TMC5: variants seen among roughly 807,000 people sequenced by gnomAD.
The protein encoded by TMC5 is transmembrane channel-like protein 5.
TMC5 carries 86 observed loss-of-function variants against 110.5 expected under a neutral mutation model. That is an observed-to-expected ratio of 0.78 (90% CI 0.65 to 0.93). TMC5 has a LOEUF of 0.93. Among genes scored for constraint, TMC5 ranks in the 40% least tolerant of loss-of-function variants. The pLI, the probability that TMC5 is intolerant of heterozygous loss-of-function variation, is 0.00. For missense variants in TMC5, 1,144 were observed against 1,222.8 expected (o/e 0.94, Z 0.96); for synonymous variants, 455 against 439.5 (o/e 1.04, Z -0.44).
At chr16:19,496,777 C>A (rs1371142417) in intron 20 of TMC5, among the ~76,000 whole-genome samples, 1 of 151,086 alleles carries the variant, frequency 6.6e-6, no homozygotes, top group Non-Finnish European at 1.5e-5. Flanking sequence ...ATAATCCCAG[C>A]TACTCCAGAG....
At position 19,453,964 on chromosome 16, in the gene TMC5, C is replaced by T. The variant is rs894459031; in HGVS notation, c.1048+4333C>T. Among the ~76,000 whole-genome samples, 13 of 152,080 alleles carry T rather than the reference C, an allele frequency of 8.5e-5. No individual in the cohort carries two copies. In the South Asian group the frequency reaches 1.7e-3, roughly 19 times the overall value. ...AATTCCTGGGCTCAAGCAATCCTCC[C>T]GCCTCAGCCTCCCAAGTAGCTGAGA... On this transcript the variant is annotated intron_variant, in intron 5 of 21. Coordinates refer to ENST00000542583, the MANE Select transcript of TMC5 (RefSeq NM_001261841.2).
chr16:19,480,159 T>C (rs937527724), intron 14 of TMC5, among the ~76,000 whole-genome samples: 1 of 152,208 alleles, frequency 6.6e-6, no homozygotes, highest in African/African-American at 2.4e-5. Flanking sequence ...TTTACTAATC[T>C]GTCACTATGC....
At chr16:19,458,509 G>A (rs796421464) in intron 5 of TMC5, among the ~76,000 whole-genome samples, 48 of 152,198 alleles carry the variant, frequency 3.2e-4, no homozygotes, top group Middle Eastern at 3.4e-3. Flanking sequence ...CACCATGCCC[G>A]GCCCAGAGAT....
chr16:19,483,341 C>CA (rs1314574445), intron 15 of TMC5, among the ~76,000 whole-genome samples: 1 of 152,156 alleles, frequency 6.6e-6, no homozygotes, highest in Admixed American at 6.5e-5. Flanking sequence ...ATCACATTCC[C>CA]AGGTTCCATC....
In TMC5 at chr16:19,440,160, C is replaced by T. The variant is rs773890211; in HGVS notation, c.122C>T (p.Pro41Leu). The change falls in exon 3 of 22, where the codon CCT becomes CTT. Residue 41 changes from proline (P) to leucine (L), a missense_variant. By Grantham distance (98) the Pro-to-Leu change is moderately conservative (BLOSUM62 -3). Coordinates refer to ENST00000542583, the MANE Select transcript of TMC5 (RefSeq NM_001261841.2). ...KTQGYPDVPG[P>L]LNNPDYPGTR... The stretch of plus-strand genomic sequence containing the variant: ...CAAGGTTATCCAGATGTTCCAGGTC[C>T]TCTGAACAATCCAGACTACCCCGGC... 10 of 1,614,160 alleles carry T rather than the reference C, an allele frequency of 6.2e-6. No individual in the cohort carries two copies. Among genetic ancestry groups the T allele is most frequent in the Non-Finnish European group, 8.5e-6 (10 of 1,180,018 alleles).
chr16:19,429,505 C>T (rs554095369), intron 1 of TMC5, among the ~76,000 whole-genome samples: 1 of 152,144 alleles, frequency 6.6e-6, no homozygotes, highest in Non-Finnish European at 1.5e-5. Flanking sequence ...CAATCAAGAG[C>T]AGGCAAGCAA....
intron 6 of TMC5, among the ~76,000 whole-genome samples, chr16:19,460,572 C>T (rs559599970): frequency 3.3e-5 from 5 of 152,162 alleles, no homozygotes; most frequent in African/African-American, 9.6e-5. Context: ...AAGAGTAGGG[C>T]GTGGAAGGAA....
At chr16:19,456,165 C>T (rs1022475874) in intron 5 of TMC5, among the ~76,000 whole-genome samples, 6 of 151,524 alleles carry the variant, frequency 4.0e-5, no homozygotes, top group African/African-American at 1.5e-4. Context: ...TGAGATCGCG[C>T]CACTGCACTC....
chr16:19,477,262 AAAG>A (rs757171840), intron 12 of TMC5, among the ~76,000 whole-genome samples, 175 bp from the exon 13 acceptor site: 12 of 152,182 alleles, frequency 7.9e-5, no homozygotes, highest in Non-Finnish European at 1.2e-4. Flanking sequence ...AATAAAAAAA[AAAG>A]AAGTGACACA....
At chr16:19,457,043 AG>A in intron 5 of TMC5, 1 of 1,568,668 alleles carries the variant, frequency 6.4e-7, no homozygotes, top group Non-Finnish European at 8.7e-7. Flanking sequence ...GAAGAGAAGT[AG>A]GGGAGTAGGA....
At chr16:19,452,495 T>A (rs1261532932) in intron 5 of TMC5, among the ~76,000 whole-genome samples, 2 of 152,046 alleles carry the variant, frequency 1.3e-5, no homozygotes, top group Non-Finnish European at 2.9e-5. Flanking sequence ...GGCAGGTGGA[T>A]CACCTAAGGT....
At position 19,460,385 on chromosome 16, in the gene TMC5, C is replaced by G. The variant is rs371990048; in HGVS notation, c.1148+51C>G. The G allele has an allele frequency of 5.4e-6, 7 of 1,297,824 alleles. No individual in the cohort carries two copies. In the African/African-American group the frequency reaches 1.0e-4, roughly 19 times the overall value. 80.4% of individuals were successfully genotyped at this position (1,297,824 alleles called of 1,614,324 possible). A position where few individuals can be genotyped will look rare whatever the true frequency, so the allele number is the denominator to read the frequency against. ...TCTCAGATTTCATGCGAACCTCAAT[C>G]CTCTACTTTTGCCCCATCTCAAAAA... On this transcript the variant is annotated intron_variant, in intron 6 of 21. Coordinates refer to ENST00000542583, the MANE Select transcript of TMC5 (RefSeq NM_001261841.2).
Position 19,472,068 on chromosome 16 carries a change from T to C in TMC5, c.1783-20T>C, listed in dbSNP as rs759245884. 7 of 1,609,844 alleles carry C rather than the reference T, an allele frequency of 4.3e-6. No individual in the cohort carries two copies. The East Asian group carries it at 1.6e-4, about 36-fold the overall frequency. The stretch of plus-strand genomic sequence containing the variant: ...GAGCCACCATGCCCAGCCATAAACT[T>C]GACTTTCTTATGTTTCTAGGAGAAC... On this transcript the variant is annotated intron_variant, in intron 10 of 21. Transcript: ENST00000542583.
At chr16:19,487,576 C>T (rs1211623701) in intron 17 of TMC5, among the ~76,000 whole-genome samples, 1 of 151,984 alleles carries the variant, frequency 6.6e-6, no homozygotes, top group Non-Finnish European at 1.5e-5. Context: ...GTGGTGCATG[C>T]CTGTAATCCC....
chr16:19,428,159 T>G (rs982585647), intron 1 of TMC5, among the ~76,000 whole-genome samples: 1 of 152,212 alleles, frequency 6.6e-6, no homozygotes, highest in African/African-American at 2.4e-5. Flanking sequence ...CGGAAAGAGA[T>G]TTGATAGGCT....
In TMC5 at chr16:19,411,340, A is replaced by T. The variant is rs138080267; in HGVS notation, c.-308+164A>T. On this transcript the variant is annotated intron_variant, in intron 1 of 20. Transcript: ENST00000381414. ...AAGGAAAAAGAAAGGTTAAAATTAGACTTCCCTCACAGAGATTCTGTGAGC... is the reference window on the plus strand; with the variant it reads ...AAGGAAAAAGAAAGGTTAAAATTAGTCTTCCCTCACAGAGATTCTGTGAGC... 2.2e-3 allele frequency: 332 copies of T among 152,098 alleles called. 3 individuals carry two copies. Among genetic ancestry groups the T allele is most frequent in the African/African-American group, 7.8e-3 (322 of 41,476 alleles). The allele number at this position is 152,098 out of a possible 1,614,324, so 9.4% of individuals were successfully genotyped here. A position where few individuals can be genotyped will look rare whatever the true frequency, so the allele number is the denominator to read the frequency against.
intron 8 of TMC5, among the ~76,000 whole-genome samples, chr16:19,464,253 C>G (rs529815696): frequency 6.6e-6 from 1 of 151,934 alleles, no homozygotes; most frequent in Non-Finnish European, 1.5e-5. Flanking sequence ...GGCAAAACCC[C>G]GTCTCTACAA....
At chr16:19,452,240 G>A (rs1362703087) in intron 5 of TMC5, among the ~76,000 whole-genome samples, 1 of 152,214 alleles carries the variant, frequency 6.6e-6, no homozygotes, top group Non-Finnish European at 1.5e-5. Flanking sequence ...AAGGGACATA[G>A]ATGAAGAGAT....
rs1485865661 is a variant in TMC5, at chr16:19,499,066, TAAATA to T, written c.*1103_*1107del. 4.7e-5 allele frequency: 1 copy of T among 21,438 alleles called. No individual in the cohort carries two copies. Among genetic ancestry groups the T allele is most frequent in the Non-Finnish European group, 2.2e-4 (1 of 4,550 alleles). The allele number at this position is 21,438 out of a possible 1,614,324, so 1.3% of individuals were successfully genotyped here. On this transcript the variant is annotated 3_prime_UTR_variant, in exon 22 of 22. Coordinates refer to ENST00000542583, the MANE Select transcript of TMC5 (RefSeq NM_001261841.2). ...ACAGTGAGACTCTGCCTCAAAAAAATAAATAAATAAATAAATAAAGTAAATTAAAA... is the reference window on the plus strand; with the variant it reads ...ACAGTGAGACTCTGCCTCAAAAAAATAATAAATAAATAAAGTAAATTAAAA...
Sources: allele counts gnomAD v4.1 joint callset (sites outside exome capture counted in the v4.1 genomes callset), GRCh38; gene constraint gnomAD v4.1.1; transcripts MANE v1.5; gene names NCBI Gene and HGNC (gene_info 2026-07-23, HGNC 2026-07-21).